Variants in PEPD observed in about 807,000 individuals in gnomAD.
PEPD encodes xaa-Pro dipeptidase.
PEPD carries 53 observed loss-of-function variants against 60.7 expected under a neutral mutation model. That is an observed-to-expected ratio of 0.87 (90% CI 0.70 to 1.10). The LOEUF (loss-of-function observed/expected upper bound fraction) is 1.10. Ranked by LOEUF, PEPD falls within the 50% of genes least tolerant of loss-of-function variation. PEPD has a pLI of 0.00. For missense variants in PEPD, 711 were observed against 711.9 expected (o/e 1.00, Z 0.01); for synonymous variants, 267 against 284.1 (o/e 0.94, Z 0.60).
At chr19:33,423,546 G>T (rs1969080096) in intron 9 of PEPD, among the ~76,000 whole-genome samples, 1 of 152,194 alleles carries the variant, frequency 6.6e-6, no homozygotes, top group Non-Finnish European at 1.5e-5. Flanking sequence ...AACCTGGTGG[G>T]TAAAACACAA....
rs542228812 is a variant in PEPD at position 33,478,091 on chromosome 19, C to A, written c.504-1G>T. The A allele has an allele frequency of 8.1e-6, 13 of 1,607,406 alleles. No homozygotes were observed. In the African/African-American group the frequency reaches 1.6e-4, roughly 20 times the overall value. On this transcript the variant is annotated splice_acceptor_variant, in intron 6 of 14. Transcript: ENST00000244137. LOFTEE classifies it high-confidence loss of function. ...AAGAATGGTATTGTTGACTTCGAAC[C>A]TGTAGGGCGAAAAGAAATCAAGCCC... is the stretch of plus-strand genomic sequence containing the variant.
chr19:33,497,952 C>A (rs1970637343), intron 4 of PEPD, among the ~76,000 whole-genome samples: 1 of 152,140 alleles, frequency 6.6e-6, no homozygotes. Context: ...CCCAGTACCA[C>A]TCCCCTCCAG....
At chr19:33,432,572 A>G (rs1259471713) in intron 9 of PEPD, among the ~76,000 whole-genome samples, 1 of 152,194 alleles carries the variant, frequency 6.6e-6, no homozygotes, top group Admixed American at 6.5e-5. Flanking sequence ...GGAAAAAAAC[A>G]TGATAGCTCT....
chr19:33,413,770 A>T (rs1294186955), intron 9 of PEPD, 127 bp from the exon 10 acceptor site: 9 of 675,878 alleles, frequency 1.3e-5, no homozygotes, highest in Non-Finnish European at 2.2e-5. Context: ...ACAATGGTCC[A>T]AACTCTCAGT....
chr19:33,424,525 C>T, intron 9 of PEPD, among the ~76,000 whole-genome samples: 1 of 152,090 alleles, frequency 6.6e-6, no homozygotes. Context: ...CTTTCTTGGC[C>T]CTAGAACAAA....
chr19:33,412,486 C>T (rs767586289), intron 10 of PEPD, among the ~76,000 whole-genome samples: 15 of 152,272 alleles, frequency 9.9e-5, no homozygotes, highest in African/African-American at 3.1e-4. Context: ...GCTGCCCTGG[C>T]GTCCTGACCA....
rs566692854 is a variant in PEPD, at chr19:33,433,923, T to C, written c.672-20280A>G. 1.1e-4 allele frequency among the ~76,000 whole-genome samples: 17 copies of C among 152,294 alleles called. 1 individual carries two copies. In the South Asian group the frequency reaches 3.5e-3, roughly 32 times the overall value. ...GTGTGTGCAAGCCTATTTATCAAAA[T>C]ATATGCCAGTAAACCACACCCATCT... On this transcript the variant is annotated intron_variant, in intron 9 of 14. Coordinates refer to ENST00000244137, the MANE Select transcript of PEPD (RefSeq NM_000285.4).
At position 33,521,749 on chromosome 19, in the gene PEPD, G is replaced by A. The variant is rs1971143935; in HGVS notation, c.12C>T (p.Ala4=). The change falls in exon 1 of 15, where the codon GCC becomes GCT. Residue 4 remains alanine (A), a synonymous_variant. Coordinates refer to ENST00000244137, the MANE Select transcript of PEPD (RefSeq NM_000285.4). MAA[A]TGPSFWLGNE... ...GAGGGAGGCGCAGCACTCACCCGGT[G>A]GCCGCCGCCATGTTCGCCCGGCACC... 2 of 1,577,408 alleles carry A rather than the reference G, an allele frequency of 1.3e-6. No homozygotes were observed. Among genetic ancestry groups the A allele is most frequent in the African/African-American group, 1.3e-5 (1 of 74,290 alleles).
At chr19:33,487,422 GGA>G (rs1970416257) in intron 6 of PEPD, 1 of 152,566 alleles carries the variant, frequency 6.6e-6, no homozygotes, top group Non-Finnish European at 1.5e-5. Context: ...GGCCCCGAGG[GGA>G]GAGACATGGG....
chr19:33,426,885 G>A (rs1025920573), intron 9 of PEPD, among the ~76,000 whole-genome samples: 10 of 152,338 alleles, frequency 6.6e-5, no homozygotes, highest in South Asian at 4.1e-4. Context: ...AGGACGCAGC[G>A]AAATGTGCCA....
rs1170952773 is a variant in PEPD, at chr19:33,493,313, T to A, written c.418A>T (p.Lys140Ter). 1 of 1,613,568 alleles carries A rather than the reference T, an allele frequency of 6.2e-7. No individual in the cohort carries two copies. ...ACCAAAGTGAGGAGGACAGAGGGCTTCTGTGACGTCAGGACGCTGGCAATC... is the reference window on the plus strand; with the variant it reads ...ACCAAAGTGAGGAGGACAGAGGGCTACTGTGACGTCAGGACGCTGGCAATC... Reference protein sequence around the residue: ...DEIASVLTSQKPSVLLTLRGV... With the variant: ...DEIASVLTSQ Residue 140 changes from lysine (K) to a stop codon, truncating the protein, a stop_gained, in exon 5 of 15, where the codon AAG becomes TAG. Coordinates refer to ENST00000244137, the MANE Select transcript of PEPD (RefSeq NM_000285.4). LOFTEE classifies it high-confidence loss of function.
rs2145321610 is a variant in PEPD at position 33,388,148 on chromosome 19, G to C, written c.1153-67C>G. On this transcript the variant is annotated intron_variant, in intron 13 of 14. Transcript: ENST00000244137. ...GGCTCACCGTGGCCTCATCAGGAGA[G>C]ATGGGCATGTGAGGGCCGGTGCCAG... The C allele has an allele frequency of 3.7e-6, 5 of 1,345,492 alleles. No individual in the cohort carries two copies. The East Asian group carries it at 1.2e-4, about 34-fold the overall frequency. The allele number at this position is 1,345,492 out of a possible 1,614,324, so 83.3% of individuals were successfully genotyped here.
intron 12 of PEPD, among the ~76,000 whole-genome samples, chr19:33,398,618 A>G (rs1207070298): frequency 6.6e-6 from 1 of 152,268 alleles, no homozygotes; most frequent in Admixed American, 6.5e-5. Flanking sequence ...AACACTGATC[A>G]TTCATTCGAG....
chr19:33,447,612 C>T (rs1489882272), intron 9 of PEPD, among the ~76,000 whole-genome samples: 2 of 152,212 alleles, frequency 1.3e-5, no homozygotes, highest in East Asian at 3.9e-4. Context: ...CTGTTCAAAA[C>T]CTGTAACACG....
chr19:33,478,217 C>T (rs960141918), intron 6 of PEPD, 127 bp from the exon 7 acceptor site: 31 of 734,662 alleles, frequency 4.2e-5, no homozygotes, highest in Non-Finnish European at 7.2e-5. Context: ...TTCATGACTT[C>T]CTGACCCACA....
At chr19:33,475,330 C>T (rs1600145205) in intron 7 of PEPD, among the ~76,000 whole-genome samples, 2 of 151,864 alleles carry the variant, frequency 1.3e-5, no homozygotes, top group South Asian at 2.1e-4. Flanking sequence ...CCCACCCATT[C>T]CTGTTAATAA....
intron 4 of PEPD, among the ~76,000 whole-genome samples, chr19:33,499,996 G>A (rs928503357): frequency 3.3e-5 from 5 of 152,232 alleles, no homozygotes; most frequent in Non-Finnish European, 7.3e-5. Flanking sequence ...GAAGCTGCTT[G>A]GCCGCCAGAA....
At chr19:33,419,162 TGG>T (rs1323594474) in intron 9 of PEPD, among the ~76,000 whole-genome samples, 1 of 152,162 alleles carries the variant, frequency 6.6e-6, no homozygotes, top group Non-Finnish European at 1.5e-5. Context: ...ACAGGGTATA[TGG>T]GGCCAGGCTT....
chr19:33,512,765 C>CA lies in PEPD; in HGVS notation c.28dup (p.Trp10LeufsTer5). 1 of 1,614,088 alleles carries CA rather than the reference C, an allele frequency of 6.2e-7. No homozygotes were observed. Among genetic ancestry groups the CA allele is most frequent in the South Asian group, 1.1e-5 (1 of 91,080 alleles). On this transcript the variant is annotated frameshift_variant, in exon 2 of 15. Transcript: ENST00000244137. LOFTEE classifies it high-confidence loss of function. ...CACCTTCAGGGTTTCATTCCCCAGC[C>CA]AAAACGAGGGTCTGCAGAGGCAAGA...
Sources: allele counts gnomAD v4.1 joint callset (sites outside exome capture counted in the v4.1 genomes callset), GRCh38; gene constraint gnomAD v4.1.1; transcripts MANE v1.5; gene names NCBI Gene and HGNC (gene_info 2026-07-23, HGNC 2026-07-21).